The following OAS1 variants were observed in gnomAD, a reference collection of about 807,000 sequenced individuals.
OAS1 encodes the protein 2'-5'-oligoadenylate synthetase 1.
OAS1 carries 24 observed loss-of-function variants against 38.5 expected under a neutral mutation model. That is an observed-to-expected ratio of 0.62 (90% confidence interval 0.45 to 0.88). The LOEUF (loss-of-function observed/expected upper bound fraction) is 0.88, where lower values mean the gene tolerates loss of function less well. OAS1 is among the 40% of genes least tolerant of loss of function. The probability of loss-of-function intolerance (pLI) is 0.00; values close to 1 mark genes in which losing one functional copy is unlikely to be tolerated. For synonymous variants in OAS1, 169 were observed against 193.9 expected (o/e 0.87, Z 1.07); for missense variants, 482 against 493.9 (o/e 0.98, Z 0.23).
chr12:112,913,268 G>T (rs1218111875), intron 3 of OAS1, among the ~76,000 whole-genome samples: 4 of 152,184 alleles, frequency 2.6e-5, no homozygotes, highest in Non-Finnish European at 5.9e-5. Context: ...TCTTCTGGCT[G>T]CATGTAAAAG....
chr12:112,914,530 A>G (rs2043427275), intron 3 of OAS1, among the ~76,000 whole-genome samples: 1 of 152,196 alleles, frequency 6.6e-6, no homozygotes, highest in Non-Finnish European at 1.5e-5. Context: ...TGTTTTCCAT[A>G]GTGGTTGTAT....
rs185219543 is a variant in OAS1, at chr12:112,915,942, C to T, written c.655-567C>T. Among the ~76,000 whole-genome samples the T allele has an allele frequency of 2.0e-5, 3 of 152,150 alleles. No individual in the cohort carries two copies. The East Asian group carries it at 5.8e-4, about 29-fold the overall frequency. The stretch of plus-strand genomic sequence containing the variant: ...TCTTAGTGTTTTGTTTCCTTGTGTG[C>T]CTGGTTACATATGTGCTGGTCATTG... On this transcript the variant is annotated intron_variant, in intron 3 of 5. Coordinates refer to ENST00000202917, the MANE Select transcript of OAS1 (RefSeq NM_016816.4).
At chr12:112,930,120 G>C (rs1206468159) in intron 6 of OAS1, among the ~76,000 whole-genome samples, 1 of 151,902 alleles carries the variant, frequency 6.6e-6, no homozygotes, top group Non-Finnish European at 1.5e-5. Context: ...TTTAAAACTG[G>C]GTGGCACCTC....
chr12:112,916,442 T>C (rs987486836), intron 3 of OAS1, 67 bp from the exon 4 acceptor site: 1 of 1,224,190 alleles, frequency 8.2e-7, no homozygotes, highest in Non-Finnish European at 1.2e-6. Flanking sequence ...ATTTGGCCCA[T>C]GAGAAGTGTA....
intron 2 of OAS1, among the ~76,000 whole-genome samples, chr12:112,910,527 C>A (rs1033716889): frequency 1.3e-5 from 2 of 151,802 alleles, no homozygotes; most frequent in African/African-American, 4.8e-5. Flanking sequence ...AAGGAGTGAG[C>A]CTTGGGGAGA....
intron 6 of OAS1, among the ~76,000 whole-genome samples, chr12:112,927,897 C>T (rs1368907315): frequency 6.6e-6 from 1 of 152,152 alleles, no homozygotes; most frequent in African/African-American, 2.4e-5. Context: ...TCCATAATTA[C>T]AGACACCTTT....
At chr12:112,912,277 T>C (rs1593156935) in intron 3 of OAS1, among the ~76,000 whole-genome samples, 1 of 151,916 alleles carries the variant, frequency 6.6e-6, no homozygotes, top group African/African-American at 2.4e-5. Flanking sequence ...GAGGAGGAGG[T>C]TGCAGTAAGT....
At chr12:112,912,352 A>C (rs1041955444) in intron 3 of OAS1, among the ~76,000 whole-genome samples, 1 of 152,188 alleles carries the variant, frequency 6.6e-6, no homozygotes, top group Non-Finnish European at 1.5e-5. Flanking sequence ...ACAAACAAAC[A>C]AACAAACAAA....
At chr12:112,919,930 G>C (rs1261065368), downstream of OAS1, 1 of 525,472 alleles carries the variant, frequency 1.9e-6, no homozygotes, top group Non-Finnish European at 3.3e-6. Flanking sequence ...TAACTTCAAG[G>C]CACAGAGCCA....
At chr12:112,913,930 T>A (rs1385829064) in intron 3 of OAS1, among the ~76,000 whole-genome samples, 1 of 152,150 alleles carries the variant, frequency 6.6e-6, no homozygotes, top group Non-Finnish European at 1.5e-5. Context: ...GAGAGAGGAC[T>A]ATTTTTTTTT....
chr12:112,912,485 G>T (rs1214875256), intron 3 of OAS1, among the ~76,000 whole-genome samples: 2 of 152,178 alleles, frequency 1.3e-5, no homozygotes, highest in Non-Finnish European at 2.9e-5. Flanking sequence ...CAATTTAAAA[G>T]TAACACCTCT....
chr12:112,909,112 C>T lies in OAS1; in HGVS notation c.469+288C>T, dbSNP rs574985253. On this transcript the variant is annotated intron_variant, in intron 2 of 5. Coordinates refer to ENST00000202917, the MANE Select transcript of OAS1 (RefSeq NM_016816.4). ...TGAATTTTATCTTTCTAAAATCAGG[C>T]AGCAAAGATGTGGCTTAAAGTTCAT... The T allele has an allele frequency of 2.4e-5, 10 of 420,188 alleles. No homozygotes were observed. The East Asian group carries it at 3.1e-4, about 13-fold the overall frequency. 26.0% of individuals were successfully genotyped at this position (420,188 alleles called of 1,614,324 possible). A position where few individuals can be genotyped will look rare whatever the true frequency, so the allele number is the denominator to read the frequency against.
intron 6 of OAS1, chr12:112,931,762 T>C (rs1478427801): frequency 1.6e-5 from 9 of 550,466 alleles, no homozygotes; most frequent in Non-Finnish European, 2.8e-5. Flanking sequence ...AAATAAGACC[T>C]AGGGTCTCCT....
intron 2 of OAS1, among the ~76,000 whole-genome samples, chr12:112,910,030 G>A (rs2043353598): frequency 6.6e-6 from 1 of 152,118 alleles, no homozygotes; most frequent in Non-Finnish European, 1.5e-5. Context: ...TCTCCTTTGT[G>A]CCATCTCCTG....
chr12:112,926,421 G>C (rs1285446411), intron 6 of OAS1, among the ~76,000 whole-genome samples: 1 of 152,184 alleles, frequency 6.6e-6, no homozygotes, highest in Non-Finnish European at 1.5e-5. Flanking sequence ...CCAAGTGTCG[G>C]CTGGTCTGAG....
At position 112,919,582 on chromosome 12, in the gene OAS1, C is replaced by A. The variant is rs1209160788; in HGVS notation, c.*29C>A. On this transcript the variant is annotated 3_prime_UTR_variant, in exon 6 of 6. Coordinates refer to ENST00000202917, the MANE Select transcript of OAS1 (RefSeq NM_016816.4). ...CCAGTGCATCTTGGGGGAAAGGGCT[C>A]CAGTGTTATCTGGACCAGTTCCTTC... 2 of 1,614,164 alleles carry A rather than the reference C, an allele frequency of 1.2e-6. No homozygotes were observed. The highest frequency in any genetic ancestry group is 2.2e-5 in the South Asian group (2 of 91,078).
intron 6 of OAS1, among the ~76,000 whole-genome samples, chr12:112,925,196 C>T (rs1055445094): frequency 7.2e-5 from 11 of 152,112 alleles, no homozygotes; most frequent in South Asian, 4.2e-4. Flanking sequence ...GAACTCTGCA[C>T]GCTCAGCTTC....
At chr12:112,927,838 G>GT (rs2043569606) in intron 6 of OAS1, among the ~76,000 whole-genome samples, 1 of 152,136 alleles carries the variant, frequency 6.6e-6, no homozygotes, top group Non-Finnish European at 1.5e-5. Flanking sequence ...AACCATCTAT[G>GT]TTTGGGAGCA....
Position 112,919,831 on chromosome 12 carries a change from T to C in OAS1, c.*278T>C. 2 of 1,204,128 alleles carry C rather than the reference T, an allele frequency of 1.7e-6. No individual in the cohort carries two copies. Among genetic ancestry groups the C allele is most frequent in the Non-Finnish European group, 2.3e-6 (2 of 887,504 alleles). 74.6% of individuals were successfully genotyped at this position (1,204,128 alleles called of 1,614,324 possible). A position where few individuals can be genotyped will look rare whatever the true frequency, so the allele number is the denominator to read the frequency against. ...AAGAGAATGAAATTCCAGCCTTGACTTTCTTCTGTGCACCTGATGGGAGGG... is the reference window on the plus strand; with the variant it reads ...AAGAGAATGAAATTCCAGCCTTGACCTTCTTCTGTGCACCTGATGGGAGGG... On this transcript the variant is annotated 3_prime_UTR_variant, in exon 6 of 6. Transcript: ENST00000202917.
Sources: gnomAD v4.1 joint callset for allele counts (sites outside exome capture counted in the v4.1 genomes callset) on GRCh38, gnomAD v4.1.1 for gene constraint, MANE v1.5 for transcripts, NCBI Gene and HGNC (gene_info 2026-07-23, HGNC 2026-07-21) for gene names.